NPAT: variants seen among roughly 807,000 people sequenced by gnomAD.
The protein encoded by NPAT is nuclear protein, coactivator of histone transcription, also known as protein NPAT.
Under a neutral mutation model 130.7 loss-of-function variants are expected in NPAT, and 52 were observed. The observed-to-expected ratio is 0.40, with a 90% CI of 0.32 to 0.50. The LOEUF is 0.50. Ranked by LOEUF, NPAT falls within the 20% of genes least tolerant of loss-of-function variation. The pLI, the probability that NPAT is intolerant of heterozygous loss-of-function variation, is 0.68. For missense variants in NPAT, 1,687 were observed against 1,662.6 expected, an observed-to-expected ratio of 1.01 and a Z score of -0.26; for synonymous variants, 580 against 584.8, an observed-to-expected ratio of 0.99 and a Z score of 0.12.
In NPAT at chr11:108,189,253, A is replaced by G. The variant is rs973550067; in HGVS notation, c.409T>C (p.Leu137=). 7 of 1,614,026 alleles carry G rather than the reference A, an allele frequency of 4.3e-6. No homozygotes were observed. The highest frequency in any genetic ancestry group is 5.1e-6 in the Non-Finnish European group (6 of 1,180,012). Residue 137 remains leucine (L), a synonymous_variant, in exon 6 of 18, where the codon TTG becomes CTG. Coordinates refer to ENST00000278612, the MANE Select transcript of NPAT (RefSeq NM_002519.3). ...CCTGAAAGGTAAGGTAAAGTGAGCA[A>G]CTCTGCACTGGCTGGAGCTGTTTGA... The part of the protein sequence containing the change: ...ASQTAPASAE[L]LTLPYLSGQF...
chr11:108,219,661 G>A (rs901526148), intron 1 of NPAT, among the ~76,000 whole-genome samples: 1 of 152,094 alleles, frequency 6.6e-6, no homozygotes, highest in Non-Finnish European at 1.5e-5. Context: ...AAAAGTTCCA[G>A]AAACTGATGG....
rs953142878 is a variant in NPAT at position 108,186,720 on chromosome 11, G to A, written c.639-151C>T. The A allele has an allele frequency of 1.9e-5, 13 of 676,112 alleles. No homozygotes were observed. In the East Asian group the frequency reaches 3.3e-4, roughly 17 times the overall value. The allele number at this position is 676,112 out of a possible 1,614,324, so 41.9% of individuals were successfully genotyped here. A position where few individuals can be genotyped will look rare whatever the true frequency, so the allele number is the denominator to read the frequency against. ...AGGGGGCTGGTTTCAGGACCCCCAAGGATATCAAAATCCACATGTACTCAA... is the reference window on the plus strand; with the variant it reads ...AGGGGGCTGGTTTCAGGACCCCCAAAGATATCAAAATCCACATGTACTCAA... On this transcript the variant is annotated intron_variant, in intron 7 of 17. Transcript: ENST00000278612.
chr11:108,177,186 C>T (rs1284248111), intron 10 of NPAT, 96 bp from the exon 11 acceptor site: 1 of 561,012 alleles, frequency 1.8e-6, no homozygotes, highest in East Asian at 3.8e-5. Flanking sequence ...CTCTTTTGCT[C>T]AGGCTGGAGT....
At position 108,158,870 on chromosome 11, in the gene NPAT, T is replaced by A; in HGVS notation, c.*72A>T. On this transcript the variant is annotated 3_prime_UTR_variant, in exon 18 of 18. Coordinates refer to ENST00000278612, the MANE Select transcript of NPAT (RefSeq NM_002519.3). ...AGGTCATGCTTTCAGATTCTGTCAA[T>A]ATCCCATTCCCTACACTCAGTTTAA... is the stretch of plus-strand genomic sequence containing the variant. 1.2e-6 allele frequency: 1 copy of A among 868,772 alleles called. No homozygotes were observed. 53.8% of individuals were successfully genotyped at this position (868,772 alleles called of 1,614,324 possible). A position where few individuals can be genotyped will look rare whatever the true frequency, so the allele number is the denominator to read the frequency against.
chr11:108,166,072 T>C (rs1397384593), intron 15 of NPAT, among the ~76,000 whole-genome samples: 1 of 150,610 alleles, frequency 6.6e-6, no homozygotes, highest in Non-Finnish European at 1.5e-5. Flanking sequence ...AGTGGAGCCA[T>C]TGTGCCCAAA....
intron 5 of NPAT, among the ~76,000 whole-genome samples, chr11:108,189,907 TATGAA>T (rs1381441589): frequency 1.3e-5 from 2 of 151,402 alleles, no homozygotes; most frequent in African/African-American, 2.4e-5. Flanking sequence ...AACCTGAACT[TATGAA>T]ATGAGAATTA....
At chr11:108,212,353 C>G (rs186389563) in intron 1 of NPAT, among the ~76,000 whole-genome samples, 3 of 151,598 alleles carry the variant, frequency 2.0e-5, no homozygotes, top group Non-Finnish European at 2.9e-5. Context: ...GGTGAAACCC[C>G]GTCTCTACTA....
rs1419667573 is a variant in NPAT at position 108,210,354 on chromosome 11, G to A, written c.37+12146C>T. Among the ~76,000 whole-genome samples the A allele has an allele frequency of 2.0e-5, 3 of 152,150 alleles. No individual in the cohort carries two copies. The East Asian group carries it at 5.8e-4, about 29-fold the overall frequency. Reference sequence around the variant, plus strand: ...TTGGCCACAGGGGCAGATTCCTCATGCCCTGGTGCTATCCTTGAGATAGTC... The same window carrying A: ...TTGGCCACAGGGGCAGATTCCTCATACCCTGGTGCTATCCTTGAGATAGTC... On this transcript the variant is annotated intron_variant, in intron 1 of 17. Coordinates refer to ENST00000278612, the MANE Select transcript of NPAT (RefSeq NM_002519.3).
chr11:108,161,982 T>A lies in NPAT; in HGVS notation c.3104A>T (p.Asp1035Val). The A allele has an allele frequency of 6.2e-7, 1 of 1,607,534 alleles. No individual in the cohort carries two copies. The highest frequency in any genetic ancestry group is 8.5e-7 in the Non-Finnish European group (1 of 1,177,290). ...TEVSDKSIAT[D>V]LGKKSEETTV... ...GGTTTCTTCTGATTTTTTCCCAAGA[T>A]CTGTGGCAATACTTTTGTCAGAAAC... Residue 1035 changes from aspartate to valine, a missense_variant, in exon 17 of 18, where the codon GAT (aspartate) becomes GTT (valine). Asp to Val is a radical substitution (Grantham distance 152, BLOSUM62 -3). Transcript: ENST00000278612.
At chr11:108,196,397 T>C in intron 2 of NPAT, among the ~76,000 whole-genome samples, 1 of 152,244 alleles carries the variant, frequency 6.6e-6, no homozygotes, top group East Asian at 1.9e-4. Context: ...CAAGTTGTTC[T>C]TTTTCAGAAA....
intron 1 of NPAT, among the ~76,000 whole-genome samples, chr11:108,214,777 C>T (rs547661926): frequency 1.6e-4 from 25 of 152,042 alleles, no homozygotes; most frequent in South Asian, 2.1e-4. Flanking sequence ...GGATTACAGA[C>T]GCCTGCCACC....
chr11:108,164,594 GA>G (rs1174349782), intron 15 of NPAT, among the ~76,000 whole-genome samples: 1 of 152,218 alleles, frequency 6.6e-6, no homozygotes, highest in Non-Finnish European at 1.5e-5. Context: ...TGGGTATATG[GA>G]AACAAGTGTG....
intron 10 of NPAT, among the ~76,000 whole-genome samples, chr11:108,178,147 T>C (rs989532137): frequency 6.6e-6 from 1 of 152,234 alleles, no homozygotes. Context: ...TGTAAAATGC[T>C]TTCCTTAAAT....
intron 12 of NPAT, among the ~76,000 whole-genome samples, chr11:108,174,801 T>C (rs1026754069): frequency 6.6e-6 from 1 of 151,984 alleles, no homozygotes. Flanking sequence ...GTATTTTTAG[T>C]AGAGGCGCGG....
At position 108,180,948 on chromosome 11, in the gene NPAT, G is replaced by A. The variant is rs537546952; in HGVS notation, c.907-3858C>T. ...AATAAGCCAGTTACATAAAGTAAAT[G>A]CTGTATGATTCTACTTATGTGAGGT... On this transcript the variant is annotated intron_variant, in intron 10 of 17. Coordinates refer to ENST00000278612, the MANE Select transcript of NPAT (RefSeq NM_002519.3). Among the ~76,000 whole-genome samples the A allele has an allele frequency of 8.5e-5, 13 of 152,288 alleles. No individual in the cohort carries two copies. The South Asian group carries it at 2.3e-3, about 27-fold the overall frequency.
rs1192070911 is a variant in NPAT, at chr11:108,161,983, C to T, written c.3103G>A (p.Asp1035Asn). The change falls in exon 17 of 18, where the codon GAT becomes AAT. Residue 1035 changes from aspartate (D) to asparagine (N), a missense_variant. Asp to Asn is a conservative substitution (Grantham distance 23, BLOSUM62 1). Transcript: ENST00000278612. ...TEVSDKSIAT[D>N]LGKKSEETTV... ...GTTTCTTCTGATTTTTTCCCAAGAT[C>T]TGTGGCAATACTTTTGTCAGAAACT... 2 of 1,607,106 alleles carry T rather than the reference C, an allele frequency of 1.2e-6. No homozygotes were observed. Among genetic ancestry groups the T allele is most frequent in the South Asian group, 2.2e-5 (2 of 89,824 alleles).
intron 1 of NPAT, among the ~76,000 whole-genome samples, chr11:108,210,418 C>T (rs772941235): frequency 6.6e-6 from 1 of 152,076 alleles, no homozygotes; most frequent in Non-Finnish European, 1.5e-5. Flanking sequence ...GTGTGTGACA[C>T]CTCTTTCTCT....
chr11:108,181,659 A>C (rs932608883), intron 10 of NPAT, among the ~76,000 whole-genome samples: 22 of 152,028 alleles, frequency 1.4e-4, no homozygotes, highest in African/African-American at 5.1e-4. Flanking sequence ...CCAGTACCAC[A>C]ATGTGCTTGT....
At chr11:108,199,272 G>T (rs2078252492) in intron 1 of NPAT, among the ~76,000 whole-genome samples, 1 of 152,230 alleles carries the variant, frequency 6.6e-6, no homozygotes, top group African/African-American at 2.4e-5. Context: ...GGCTCCCAAG[G>T]TGGAAGACAA....
Sources: gnomAD v4.1 joint callset for allele counts (sites outside exome capture counted in the v4.1 genomes callset) on GRCh38, gnomAD v4.1.1 for gene constraint, MANE v1.5 for transcripts, NCBI Gene and HGNC (gene_info 2026-07-23, HGNC 2026-07-21) for gene names.